Variants in RNF17 observed in about 807,000 individuals in gnomAD.
The protein encoded by RNF17 is ring finger protein 17.
RNF17 carries 31 observed loss-of-function variants against 200.5 expected under a neutral mutation model. The ratio of observed to expected loss-of-function variants is 0.15; its 90% confidence interval spans 0.12 to 0.21. RNF17 has a LOEUF of 0.21. Among genes scored for constraint, RNF17 ranks in the 10% least tolerant of loss-of-function variants. RNF17 has a pLI of 1.00. For synonymous variants in RNF17, 606 were observed against 637.8 expected (o/e 0.95, Z 0.75); for missense variants, 1,628 against 1,905.1 (o/e 0.85, Z 2.71).
chr13:24,837,214 C>T (rs1566201678), intron 18 of RNF17, among the ~76,000 whole-genome samples: 2 of 152,010 alleles, frequency 1.3e-5, no homozygotes, highest in Non-Finnish European at 2.9e-5. Flanking sequence ...CTAGAGCTCC[C>T]AAATTTATAA....
intron 35 of RNF17, 141 bp from the exon 36 acceptor site, chr13:24,879,596 A>G (rs2138503208): frequency 4.6e-6 from 1 of 217,854 alleles, no homozygotes; most frequent in South Asian, 1.4e-4. Context: ...AGCACATAGA[A>G]CTACTGAGCA....
intron 5 of RNF17, 63 bp downstream of exon 5, chr13:24,779,810 A>AT: frequency 8.1e-7 from 1 of 1,235,792 alleles, no homozygotes; most frequent in South Asian, 1.2e-5. Context: ...AAGTGTGTAC[A>AT]TTTGGAGATG....
rs577331538 is a variant in RNF17, at chr13:24,812,315, C to T, written c.2091+7886C>T. ...CGAGACTCCGTGGGCGTAGGACACT[C>T]TGAGCCATGTGCGGGATATAATCTC... On this transcript the variant is annotated intron_variant, in intron 15 of 35. Coordinates refer to ENST00000255324, the MANE Select transcript of RNF17 (RefSeq NM_031277.3). Among the ~76,000 whole-genome samples the T allele has an allele frequency of 2.3e-4, 35 of 151,992 alleles. 1 individual carries two copies. Among genetic ancestry groups the T allele is most frequent in the Non-Finnish European group, 4.9e-4 (33 of 68,014 alleles).
intron 20 of RNF17, 44 bp from the exon 21 acceptor site, chr13:24,844,608 T>C (rs1247049582): frequency 2.1e-6 from 3 of 1,440,110 alleles, no homozygotes; most frequent in Non-Finnish European, 2.9e-6. Context: ...CAGAGAATTA[T>C]ATAAGAAAAG....
chr13:24,763,005 C>G (rs1213370293), upstream of RNF17, among the ~76,000 whole-genome samples: 5 of 152,198 alleles, frequency 3.3e-5, no homozygotes, highest in Non-Finnish European at 4.4e-5. Flanking sequence ...CCTTCCCTCA[C>G]ATCTACCTTC....
chr13:24,764,026 T>A, upstream of RNF17: 1 of 524,648 alleles, frequency 1.9e-6, no homozygotes, highest in Non-Finnish European at 3.3e-6. Flanking sequence ...CTAGGAGTGG[T>A]ACCTCCCAGG....
intron 27 of RNF17, 102 bp from the exon 28 acceptor site, chr13:24,862,611 T>C (rs1893209469): frequency 1.4e-6 from 1 of 706,792 alleles, no homozygotes; most frequent in African/African-American, 1.7e-5. Context: ...TGTACTACTA[T>C]CTGATATTAT....
intron 7 of RNF17, among the ~76,000 whole-genome samples, chr13:24,788,526 ACT>A (rs1285520698): frequency 6.6e-6 from 1 of 151,978 alleles, no homozygotes; most frequent in African/African-American, 2.4e-5. Flanking sequence ...ACTGAATAGG[ACT>A]CTATTTTGTT....
chr13:24,856,109 G>A (rs569173146), intron 25 of RNF17, among the ~76,000 whole-genome samples: 1 of 151,920 alleles, frequency 6.6e-6, no homozygotes, highest in African/African-American at 2.4e-5. Context: ...TTGTTTTTTG[G>A]TTTTGTATCT....
chr13:24,790,215 T>G (rs1157470251), intron 9 of RNF17, among the ~76,000 whole-genome samples: 1 of 152,124 alleles, frequency 6.6e-6, no homozygotes, highest in African/African-American at 2.4e-5. Flanking sequence ...TCTATTAAAA[T>G]TAAGTAGCAA....
At chr13:24,873,981 C>T (rs1894583206) in intron 32 of RNF17, 133 bp from the exon 33 acceptor site, 3 of 793,586 alleles carry the variant, frequency 3.8e-6, no homozygotes, top group South Asian at 3.5e-5. Context: ...GGGTTGATTC[C>T]GTATCTTGGC....
intron 24 of RNF17, 61 bp downstream of exon 24, chr13:24,851,632 C>CA: frequency 1.0e-6 from 1 of 968,692 alleles, no homozygotes; most frequent in Non-Finnish European, 1.6e-6. Context: ...GTTGCGTGTG[C>CA]AAATCTTATG....
At chr13:24,871,825 G>A (rs1232773859) in intron 32 of RNF17, among the ~76,000 whole-genome samples, 1 of 151,988 alleles carries the variant, frequency 6.6e-6, no homozygotes, top group Non-Finnish European at 1.5e-5. Flanking sequence ...TAGAGACAGG[G>A]TTTCACTATC....
At chr13:24,767,091 T>C (rs1879804992) in intron 1 of RNF17, among the ~76,000 whole-genome samples, 181 bp from the exon 2 acceptor site, 1 of 152,134 alleles carries the variant, frequency 6.6e-6, no homozygotes, top group Non-Finnish European at 1.5e-5. Flanking sequence ...TAGCCGGGTG[T>C]GTTGGGACAC....
At chr13:24,793,431 C>A in intron 10 of RNF17, 85 bp downstream of exon 10, 2 of 1,237,616 alleles carry the variant, frequency 1.6e-6, no homozygotes, top group Non-Finnish European at 2.2e-6. Context: ...ATGCATTTAA[C>A]AGAAATATAA....
chr13:24,806,744 C>A (rs1488519572), intron 15 of RNF17, among the ~76,000 whole-genome samples: 1 of 151,012 alleles, frequency 6.6e-6, no homozygotes, highest in African/African-American at 2.4e-5. Flanking sequence ...GTGCGCTGCA[C>A]CCACTAACTC....
chr13:24,781,311 A>C (rs1371681988), intron 5 of RNF17, among the ~76,000 whole-genome samples: 1 of 151,930 alleles, frequency 6.6e-6, no homozygotes, highest in Non-Finnish European at 1.5e-5. Context: ...GATTTTTTTT[A>C]GGTCTTGTTG....
chr13:24,837,034 C>CA (rs150395654), intron 18 of RNF17, among the ~76,000 whole-genome samples: 18,852 of 152,084 alleles, frequency 0.12, 1,271 homozygotes, highest in Admixed American at 0.15. Flanking sequence ...TGGAAAAAGG[C>CA]ATTTCATGCA....
At chr13:24,781,359 T>C (rs1456031685) in intron 5 of RNF17, among the ~76,000 whole-genome samples, 1 of 152,042 alleles carries the variant, frequency 6.6e-6, no homozygotes, top group African/African-American at 2.4e-5. Flanking sequence ...AGGCCAGGTG[T>C]GGTGGCTCAC....
Sources: gnomAD v4.1 joint callset for allele counts (sites outside exome capture counted in the v4.1 genomes callset) on GRCh38, gnomAD v4.1.1 for gene constraint, MANE v1.5 for transcripts, NCBI Gene and HGNC (gene_info 2026-07-23, HGNC 2026-07-21) for gene names.